The following CEP63 variants were observed in gnomAD, a reference collection of about 807,000 sequenced individuals.
The protein encoded by CEP63 is centrosomal protein 63, also known as centrosomal protein of 63 kDa.
Under a neutral mutation model 89.1 loss-of-function variants are expected in CEP63, and 84 were observed. The ratio of observed to expected loss-of-function variants is 0.94; its 90% confidence interval spans 0.79 to 1.13. The LOEUF is 1.13. Ranked by LOEUF, CEP63 falls within the 50% of genes most tolerant of loss-of-function variation. The probability of loss-of-function intolerance (pLI) is 0.00; values close to 1 mark genes in which losing one functional copy is unlikely to be tolerated. For missense variants in CEP63, 838 were observed against 813.3 expected (o/e 1.03, Z -0.37); for synonymous variants, 267 against 272.5 (o/e 0.98, Z 0.20).
the CEP63 span, among the ~76,000 whole-genome samples, chr3:134,618,955 G>A: frequency 2.0e-5 from 3 of 152,158 alleles, no homozygotes; most frequent in Admixed American, 6.5e-5. Context: ...CGCGAAGCCC[G>A]GCAGATGGTA....
chr3:134,650,967 G>C, the CEP63 span: 53 of 1,612,888 alleles, frequency 3.3e-5, no homozygotes, highest in Admixed American at 8.8e-4. Context: ...CCATGATGCC[G>C]CCTCCTTTCC....
In CEP63 at chr3:134,531,938, G is replaced by C; in HGVS notation, c.316G>C (p.Glu106Gln). 6.2e-7 allele frequency: 1 copy of C among 1,605,364 alleles called. No homozygotes were observed. The highest frequency in any genetic ancestry group is 1.1e-5 in the South Asian group (1 of 90,832). Residue 106 changes from glutamate to glutamine, a missense_variant and splice_region_variant, in exon 4 of 15, where the codon GAA (glutamate) becomes CAA (glutamine). Physicochemically the swap from Glu to Gln is conservative, Grantham distance 29 (BLOSUM62 2). Transcript: ENST00000675561. The stretch of plus-strand genomic sequence containing the variant: ...GCAGGAGTTGAAGAAACTACATGAA[G>C]AAGTGAGATTTTAGTTTTGTTAAAT... ...YKQELKKLHE[E>Q]LCILKRSYEK...
chr3:134,618,428 A>G, the CEP63 span, among the ~76,000 whole-genome samples: 1 of 152,082 alleles, frequency 6.6e-6, no homozygotes, highest in African/African-American at 2.4e-5. Flanking sequence ...CCCCCTGGGG[A>G]GGGGTTCTTT....
chr3:134,773,720 C>T, the CEP63 span, among the ~76,000 whole-genome samples: 1 of 151,898 alleles, frequency 6.6e-6, no homozygotes, highest in Non-Finnish European at 1.5e-5. Flanking sequence ...TTTCTGTTTA[C>T]ATCCCCTGAT....
At chr3:134,623,016 C>T in the CEP63 span, among the ~76,000 whole-genome samples, 19 of 152,342 alleles carry the variant, frequency 1.2e-4, no homozygotes, top group Admixed American at 4.6e-4. Context: ...TTTTCTTCTA[C>T]GTCCAGCTCC....
the CEP63 span, among the ~76,000 whole-genome samples, chr3:134,723,956 TCA>T: frequency 6.6e-6 from 1 of 152,222 alleles, no homozygotes; most frequent in Non-Finnish European, 1.5e-5. Flanking sequence ...AGCAGAGTGC[TCA>T]CACAGGGCTA....
chr3:134,606,843 C>G, the CEP63 span, among the ~76,000 whole-genome samples: 1 of 151,744 alleles, frequency 6.6e-6, no homozygotes, highest in Non-Finnish European at 1.5e-5. Context: ...CTCCCCTCCA[C>G]GGCACTCTCC....
chr3:134,584,381 C>T (rs541851445), intron 10 of CEP63, among the ~76,000 whole-genome samples: 10 of 152,092 alleles, frequency 6.6e-5, no homozygotes, highest in Non-Finnish European at 1.5e-4. Flanking sequence ...GAGTTTTTAG[C>T]ATGAACTGGT....
At chr3:134,625,402 T>C in the CEP63 span, among the ~76,000 whole-genome samples, 3 of 152,238 alleles carry the variant, frequency 2.0e-5, no homozygotes, top group African/African-American at 7.2e-5. Context: ...AAGTCAGAAG[T>C]AGGAAACGGG....
At chr3:134,500,631 C>T (rs1941695451) in intron 2 of CEP63, among the ~76,000 whole-genome samples, 1 of 152,200 alleles carries the variant, frequency 6.6e-6, no homozygotes, top group South Asian at 2.1e-4. Context: ...AATAGCCATT[C>T]TGACTGGTAT....
At chr3:134,655,792 G>T in the CEP63 span, among the ~76,000 whole-genome samples, 1 of 152,326 alleles carries the variant, frequency 6.6e-6, no homozygotes, top group South Asian at 2.1e-4. Context: ...CAAGACCTCT[G>T]TTGAGGTTCT....
At chr3:134,611,540 C>T in the CEP63 span, among the ~76,000 whole-genome samples, 5 of 152,250 alleles carry the variant, frequency 3.3e-5, no homozygotes, top group African/African-American at 9.6e-5. Context: ...GTTCCCCTTC[C>T]TCAAGACATT....
the CEP63 span, among the ~76,000 whole-genome samples, chr3:134,665,425 G>A: frequency 1.4e-4 from 22 of 152,304 alleles, no homozygotes; most frequent in East Asian, 3.5e-3. Context: ...CAAGGCAGGC[G>A]GGCCCAGGGC....
At chr3:134,665,108 C>T in the CEP63 span, among the ~76,000 whole-genome samples, 16 of 152,282 alleles carry the variant, frequency 1.1e-4, no homozygotes, top group South Asian at 6.2e-4. Flanking sequence ...GGGAGAAGTC[C>T]GGCAGGGGCT....
chr3:134,620,931 C>T, the CEP63 span: 1 of 858,300 alleles, frequency 1.2e-6, no homozygotes, highest in Non-Finnish European at 1.9e-6. Flanking sequence ...CTTGCACCTA[C>T]AGCCAGTGCT....
At chr3:134,608,222 G>C in the CEP63 span, 1 of 1,186,564 alleles carries the variant, frequency 8.4e-7, no homozygotes. Context: ...CTTCTGTTGG[G>C]GACCTGAGCC....
chr3:134,748,446 A>G, the CEP63 span, among the ~76,000 whole-genome samples: 4 of 152,030 alleles, frequency 2.6e-5, no homozygotes, highest in Non-Finnish European at 5.9e-5. Flanking sequence ...TTAAGATCAA[A>G]GGGCTAGAAA....
At chr3:134,581,538 G>A (rs919733686) in intron 10 of CEP63, among the ~76,000 whole-genome samples, 3 of 151,506 alleles carry the variant, frequency 2.0e-5, no homozygotes, top group South Asian at 2.1e-4. Context: ...CCGAGATGGC[G>A]CCATTGCACT....
At chr3:134,550,942 A>G (rs1429431236) in intron 11 of CEP63, among the ~76,000 whole-genome samples, 6 of 152,172 alleles carry the variant, frequency 3.9e-5, no homozygotes, top group African/African-American at 4.8e-5. Flanking sequence ...ATGACTGGGC[A>G]TTGTATTTGA....
Sources: gnomAD v4.1 joint callset for allele counts (sites outside exome capture counted in the v4.1 genomes callset) on GRCh38, gnomAD v4.1.1 for gene constraint, MANE v1.5 for transcripts, NCBI Gene and HGNC (gene_info 2026-07-23, HGNC 2026-07-21) for gene names.